Variants in HOMER2 observed in about 807,000 individuals in gnomAD.
HOMER2 encodes the protein homer protein homolog 2.
Under a neutral mutation model 47.0 loss-of-function variants are expected in HOMER2, and 27 were observed. The ratio of observed to expected loss-of-function variants is 0.57; its 90% CI spans 0.42 to 0.79. The LOEUF is 0.79. Among genes scored for constraint, HOMER2 ranks in the 30% least tolerant of loss-of-function variants. HOMER2 has a pLI of 0.00. For missense variants in HOMER2, 443 were observed against 435.0 expected (o/e 1.02, Z -0.16); for synonymous variants, 161 against 163.8 (o/e 0.98, Z 0.13).
chr15:82,857,752 A>G (rs2051638047), intron 5 of HOMER2, among the ~76,000 whole-genome samples: 3 of 152,106 alleles, frequency 2.0e-5, no homozygotes, highest in Admixed American at 2.0e-4. Context: ...TAAATGGGCA[A>G]CTCTGAGGAG....
At chr15:82,929,760 C>T (rs1418286744) in intron 1 of HOMER2, among the ~76,000 whole-genome samples, 1 of 150,140 alleles carries the variant, frequency 6.7e-6, no homozygotes, top group Non-Finnish European at 1.5e-5. Flanking sequence ...GACGGAGTTT[C>T]GCTCTTGTTG....
chr15:82,932,883 C>T (rs2054049852), intron 1 of HOMER2, among the ~76,000 whole-genome samples: 1 of 152,170 alleles, frequency 6.6e-6, no homozygotes, highest in South Asian at 2.1e-4. Context: ...CTTAGGCTCC[C>T]TCAGATGCCC....
chr15:82,890,071 G>T (rs1280836048), intron 2 of HOMER2, among the ~76,000 whole-genome samples: 1 of 152,176 alleles, frequency 6.6e-6, no homozygotes, highest in Non-Finnish European at 1.5e-5. Flanking sequence ...GCGGCAGGGC[G>T]CGTTGGCTCA....
At chr15:82,872,680 A>C (rs909525688) in intron 3 of HOMER2, among the ~76,000 whole-genome samples, 73 of 152,054 alleles carry the variant, frequency 4.8e-4, no homozygotes, top group African/African-American at 1.6e-3. Flanking sequence ...CACACACCTC[A>C]CAGTGCCACG....
chr15:82,859,308 T>TG, intron 4 of HOMER2, 173 bp from the exon 5 acceptor site: 1 of 879,816 alleles, frequency 1.1e-6, no homozygotes, highest in South Asian at 1.7e-5. Context: ...GTTTTTGTTT[T>TG]TTTTTTAAAC....
chr15:82,868,541 A>ATATATATATATATATATATTTTTT, intron 3 of HOMER2, among the ~76,000 whole-genome samples: 1 of 71,266 alleles, frequency 1.4e-5, no homozygotes, highest in Non-Finnish European at 2.8e-5. Context: ...ATATATATAT[A>ATATATATATATATATATATTTTTT]TTTTTTTTTT....
chr15:82,878,937 T>C (rs1189628088), intron 2 of HOMER2, among the ~76,000 whole-genome samples: 1 of 152,132 alleles, frequency 6.6e-6, no homozygotes, highest in East Asian at 1.9e-4. Context: ...TGCACAATAT[T>C]TTTTACACTC....
At chr15:82,911,919 A>G (rs772711324) in intron 1 of HOMER2, among the ~76,000 whole-genome samples, 3 of 152,130 alleles carry the variant, frequency 2.0e-5, no homozygotes, top group Non-Finnish European at 4.4e-5. Flanking sequence ...AATCCCAGCC[A>G]CTTGGGAGGC....
At chr15:82,857,609 TTAG>T (rs2151617906) in intron 5 of HOMER2, among the ~76,000 whole-genome samples, 1 of 152,078 alleles carries the variant, frequency 6.6e-6, no homozygotes, top group East Asian at 1.9e-4. Flanking sequence ...TTTTGTATTT[TTAG>T]TAGAGATGGG....
At chr15:82,945,299 A>G (rs2054351856) in intron 1 of HOMER2, among the ~76,000 whole-genome samples, 1 of 152,220 alleles carries the variant, frequency 6.6e-6, no homozygotes, top group South Asian at 2.1e-4. Context: ...GATTTAGCAA[A>G]ATGACAAATT....
intron 1 of HOMER2, among the ~76,000 whole-genome samples, chr15:82,920,185 A>C (rs2053692384): frequency 6.6e-6 from 1 of 152,136 alleles, no homozygotes; most frequent in Non-Finnish European, 1.5e-5. Flanking sequence ...ACTTCCCCAC[A>C]TCATGACCTC....
rs952302377 is a variant in HOMER2 at position 82,913,771 on chromosome 15, T to C, written c.6-20930A>G. ...GCTCCCTGGGAATTCTCAGGTGCCA[T>C]CTCTTTTCTGGTCATTTATTTAAAA... On this transcript the variant is annotated intron_variant, in intron 1 of 8. Coordinates refer to ENST00000450735, the MANE Select transcript of HOMER2 (RefSeq NM_004839.4). The surrounding 1 kb of genome is among the most constrained non-coding windows in gnomAD (Gnocchi z 4.1). Among the ~76,000 whole-genome samples, 5 of 152,260 alleles carry C rather than the reference T, an allele frequency of 3.3e-5. No homozygotes were observed. The highest frequency in any genetic ancestry group is 7.4e-5 in the Non-Finnish European group (5 of 68,014).
chr15:82,955,096 A>C (rs575255207), upstream of HOMER2, among the ~76,000 whole-genome samples: 6 of 149,730 alleles, frequency 4.0e-5, no homozygotes, highest in African/African-American at 1.5e-4. Context: ...TATTTTTAAA[A>C]GCAGTACTGC....
At chr15:82,942,610 C>T (rs12441675) in intron 1 of HOMER2, among the ~76,000 whole-genome samples, 80,949 of 151,972 alleles carry the variant, frequency 0.53, 21,774 homozygotes, top group East Asian at 0.62. Flanking sequence ...AATGAATGAG[C>T]GAATGCATAT....
exon 2 of HOMER2, chr15:82,842,324 T>C (rs1316483560): frequency 6.6e-6 from 1 of 152,082 alleles, no homozygotes; most frequent in Non-Finnish European, 1.5e-5. Flanking sequence ...TTTTGTTTTT[T>C]GTTTTTTTGA....
At chr15:82,869,448 ATC>A (rs2052104821) in intron 3 of HOMER2, among the ~76,000 whole-genome samples, 1 of 86,516 alleles carries the variant, frequency 1.2e-5, no homozygotes, top group Admixed American at 1.3e-4. Flanking sequence ...TCTACTAAAC[ATC>A]TTTTTTTTTT....
At chr15:82,891,208 C>A (rs535350576) in intron 2 of HOMER2, among the ~76,000 whole-genome samples, 2 of 152,292 alleles carry the variant, frequency 1.3e-5, no homozygotes, top group African/African-American at 4.8e-5. Flanking sequence ...ACCCAACAAA[C>A]CAGGAACTGG....
chr15:82,838,785 G>C (rs561186008), exon 2 of HOMER2: 1 of 152,352 alleles, frequency 6.6e-6, no homozygotes, highest in South Asian at 2.1e-4. Flanking sequence ...GAGCCTGGTG[G>C]AACAGGGGCT....
At chr15:82,896,585 G>T (rs1373500596) in intron 1 of HOMER2, among the ~76,000 whole-genome samples, 1 of 152,182 alleles carries the variant, frequency 6.6e-6, no homozygotes, top group African/African-American at 2.4e-5. Flanking sequence ...CAGTGTGAGG[G>T]GAGGCACAGA....
Sources: allele counts gnomAD v4.1 joint callset (sites outside exome capture counted in the v4.1 genomes callset), GRCh38; gene constraint gnomAD v4.1.1; non-coding constraint Gnocchi (gnomAD v3.1); transcripts MANE v1.5; gene names NCBI Gene and HGNC (gene_info 2026-07-23, HGNC 2026-07-21).